The following CENPP variants were observed in gnomAD, a reference collection of about 807,000 sequenced individuals.
The protein encoded by CENPP is centromere protein P.
CENPP carries 24 observed loss-of-function variants against 35.6 expected under a neutral mutation model. That is an observed-to-expected ratio of 0.67 (90% confidence interval 0.49 to 0.95). The LOEUF (loss-of-function observed/expected upper bound fraction) is 0.95, where lower values mean the gene tolerates loss of function less well. Among genes scored for constraint, CENPP ranks in the 40% least tolerant of loss-of-function variants. CENPP has a pLI of 0.00. For missense variants in CENPP, 332 were observed against 345.3 expected, an observed-to-expected ratio of 0.96 and a Z score of 0.31; for synonymous variants, 120 against 125.5, an observed-to-expected ratio of 0.96 and a Z score of 0.29.
chr9:92,616,131 T>A lies in CENPP; in HGVS notation c.*2982T>A. 1 of 1,011,018 alleles carries A rather than the reference T, an allele frequency of 9.9e-7. No individual in the cohort carries two copies. Among genetic ancestry groups the A allele is most frequent in the Non-Finnish European group, 1.5e-6 (1 of 675,962 alleles). 62.6% of individuals were successfully genotyped at this position (1,011,018 alleles called of 1,614,324 possible). ...TCCCTCCCTCCCGTTCTCTCTCCCT[T>A]TCTTCTTTCAACTAGTATGTTTTTA... On this transcript the variant is annotated 3_prime_UTR_variant, in exon 8 of 8. Coordinates refer to ENST00000375587, the MANE Select transcript of CENPP (RefSeq NM_001012267.3).
At chr9:92,447,456 G>A (rs1371727993) in intron 5 of CENPP, among the ~76,000 whole-genome samples, 1 of 152,122 alleles carries the variant, frequency 6.6e-6, no homozygotes, top group Admixed American at 6.6e-5. Flanking sequence ...TAATGTCACT[G>A]CTGATTTGAC....
chr9:92,340,092 G>T (rs1422759745), intron 3 of CENPP: 2 of 153,746 alleles, frequency 1.3e-5, no homozygotes, highest in African/African-American at 4.8e-5. Context: ...ACTGCTCAGG[G>T]GAATCCTAGC....
At chr9:92,522,782 G>A (rs1257474600) in intron 5 of CENPP, 2 of 1,613,614 alleles carry the variant, frequency 1.2e-6, no homozygotes, top group Admixed American at 1.7e-5. Context: ...TTCCTCCTTT[G>A]CTTCCTAGGA....
rs536617670 is a variant in CENPP, at chr9:92,467,206, C to T, written c.564+87347C>T. Among the ~76,000 whole-genome samples, 90 of 152,322 alleles carry T rather than the reference C, an allele frequency of 5.9e-4. 1 individual carries two copies. Among genetic ancestry groups the T allele is most frequent in the Non-Finnish European group, 4.7e-4 (32 of 68,034 alleles). ...GCATCCTCCAGAGGAGGTCTAATAA[C>T]TCCAGAGAGTAAAAAGAGCTCGTAC... On this transcript the variant is annotated intron_variant, in intron 5 of 7. Coordinates refer to ENST00000375587, the MANE Select transcript of CENPP (RefSeq NM_001012267.3).
chr9:92,566,265 A>C (rs181315383), intron 5 of CENPP, among the ~76,000 whole-genome samples: 1 of 151,522 alleles, frequency 6.6e-6, no homozygotes, highest in Admixed American at 6.6e-5. Flanking sequence ...GCGCCATTGC[A>C]CTCCAGCGTG....
intron 5 of CENPP, among the ~76,000 whole-genome samples, chr9:92,436,022 C>A (rs368295968): frequency 3.9e-5 from 6 of 152,190 alleles, no homozygotes; most frequent in African/African-American, 1.4e-4. Flanking sequence ...TACATTCCCA[C>A]GAACAGTGTA....
intron 4 of CENPP, among the ~76,000 whole-genome samples, chr9:92,359,788 T>TC (rs1469239191): frequency 2.0e-5 from 3 of 149,220 alleles, no homozygotes; most frequent in Admixed American, 2.0e-4. Context: ...GAGGACAGGG[T>TC]CCTTTTTTTT....
chr9:92,365,348 C>A (rs894699174), intron 4 of CENPP, among the ~76,000 whole-genome samples: 1 of 151,358 alleles, frequency 6.6e-6, no homozygotes, highest in African/African-American at 2.4e-5. Context: ...GTTATCAACC[C>A]TAGGTACTCT....
chr9:92,372,099 C>CTTTTTTTTTTTTTTTTTT (rs71362382), intron 4 of CENPP, among the ~76,000 whole-genome samples: 69 of 30,694 alleles, frequency 2.2e-3, no homozygotes, highest in Admixed American at 2.7e-3. Flanking sequence ...TGCCAGCCAT[C>CTTTTTTTTTTTTTTTTTT]TTTTTTTTTT....
chr9:92,540,625 G>C (rs1219806475), intron 5 of CENPP, among the ~76,000 whole-genome samples: 1 of 151,016 alleles, frequency 6.6e-6, no homozygotes, highest in Non-Finnish European at 1.5e-5. Context: ...ACAAAAATTA[G>C]CCGAGCATGG....
chr9:92,601,732 T>A (rs1279237821), intron 5 of CENPP, among the ~76,000 whole-genome samples: 1 of 152,102 alleles, frequency 6.6e-6, no homozygotes, highest in African/African-American at 2.4e-5. Flanking sequence ...AATCGGCTGA[T>A]CAAACAAGGG....
intron 5 of CENPP, among the ~76,000 whole-genome samples, chr9:92,571,352 A>T (rs1482961103): frequency 3.3e-5 from 5 of 152,218 alleles, no homozygotes; most frequent in Non-Finnish European, 7.3e-5. Context: ...TTAGTCATTC[A>T]GGAGCAGGTT....
intron 5 of CENPP, among the ~76,000 whole-genome samples, chr9:92,442,090 T>C (rs961150841): frequency 1.3e-5 from 2 of 151,756 alleles, no homozygotes; most frequent in Non-Finnish European, 1.5e-5. Context: ...CATTATAAGT[T>C]AAAATTTAGA....
intron 5 of CENPP, among the ~76,000 whole-genome samples, chr9:92,518,028 A>G (rs1352717285): frequency 6.6e-6 from 1 of 152,256 alleles, no homozygotes; most frequent in East Asian, 1.9e-4. Flanking sequence ...TCGTATAGAC[A>G]TAAGAAATGC....
chr9:92,377,032 C>CAA lies in CENPP; in HGVS notation c.468-2719_468-2718dup, dbSNP rs1333487031. The stretch of plus-strand genomic sequence containing the variant: ...TGCACTCCAGAGTGAGACTTAGTCT[C>CAA]AAAAAAAAAAAAAGAAAGAAAAGGG... On this transcript the variant is annotated intron_variant, in intron 4 of 7. Transcript: ENST00000375587. 8.8e-3 allele frequency among the ~76,000 whole-genome samples: 1,077 copies of CAA among 121,780 alleles called. 11 individuals are homozygous for CAA. The highest frequency in any genetic ancestry group is 0.032 in the Middle Eastern group (7 of 220). The allele number at this position is 121,780 out of a possible 152,430, so 79.9% of individuals were successfully genotyped here. A position where few individuals can be genotyped will look rare whatever the true frequency, so the allele number is the denominator to read the frequency against.
chr9:92,574,429 C>T (rs1465568142), intron 5 of CENPP, among the ~76,000 whole-genome samples: 1 of 152,042 alleles, frequency 6.6e-6, no homozygotes, highest in Non-Finnish European at 1.5e-5. Flanking sequence ...GATTTCTATA[C>T]ACTAACAGTG....
rs1851496413 is a variant in CENPP, at chr9:92,617,996, T to G, written c.*4847T>G. 2.9e-6 allele frequency: 1 copy of G among 342,574 alleles called. No individual in the cohort carries two copies. 21.2% of individuals were successfully genotyped at this position (342,574 alleles called of 1,614,324 possible). ...CTGCAAATTAGTCTAGGGATCTAAATTTAGTCTCAGGTCTACCAGGTATCT... is the reference window on the plus strand; with the variant it reads ...CTGCAAATTAGTCTAGGGATCTAAAGTTAGTCTCAGGTCTACCAGGTATCT... On this transcript the variant is annotated 3_prime_UTR_variant, in exon 8 of 8. Coordinates refer to ENST00000375587, the MANE Select transcript of CENPP (RefSeq NM_001012267.3).
chr9:92,528,694 A>T (rs1848565571), intron 5 of CENPP, among the ~76,000 whole-genome samples: 1 of 152,246 alleles, frequency 6.6e-6, no homozygotes, highest in Non-Finnish European at 1.5e-5. Context: ...AGTAGAGGAA[A>T]ATAATTAGCC....
chr9:92,608,858 C>T (rs1851155350), intron 5 of CENPP, among the ~76,000 whole-genome samples: 1 of 151,974 alleles, frequency 6.6e-6, no homozygotes, highest in Non-Finnish European at 1.5e-5. Context: ...CCCCTTTTTG[C>T]TCACAAGGAG....
Sources: gnomAD v4.1 joint callset for allele counts (sites outside exome capture counted in the v4.1 genomes callset) on GRCh38, gnomAD v4.1.1 for gene constraint, MANE v1.5 for transcripts, NCBI Gene and HGNC (gene_info 2026-07-23, HGNC 2026-07-21) for gene names.